Variants in EPB41L3 observed in about 807,000 individuals in gnomAD.
EPB41L3 encodes band 4.1-like protein 3.
In EPB41L3, 57 loss-of-function variants were observed where a neutral mutation model predicts 127.1. The observed-to-expected ratio is 0.45, with a 90% confidence interval of 0.36 to 0.56. EPB41L3 has a LOEUF of 0.56. Among genes scored for constraint, EPB41L3 ranks in the 20% least tolerant of loss-of-function variants. The probability of loss-of-function intolerance (pLI) is 0.00; values close to 1 mark genes in which losing one functional copy is unlikely to be tolerated. For missense variants in EPB41L3, 1,273 were observed against 1,372.2 expected (o/e 0.93, Z 1.14); for synonymous variants, 572 against 549.5 (o/e 1.04, Z -0.57).
chr18:5,405,878 TA>T (rs766187302), intron 16 of EPB41L3, among the ~76,000 whole-genome samples: 3,337 of 147,840 alleles, frequency 0.023, 70 homozygotes, highest in East Asian at 0.078. Context: ...TAACCTTACT[TA>T]AAAAAAAAAA....
chr18:5,447,408 T>A (rs1185580395), intron 3 of EPB41L3, among the ~76,000 whole-genome samples: 1 of 151,568 alleles, frequency 6.6e-6, no homozygotes, highest in Non-Finnish European at 1.5e-5. Flanking sequence ...TCTTTAGATA[T>A]TAGATGCCTG....
At chr18:5,419,177 T>A (rs1419499705) in intron 12 of EPB41L3, among the ~76,000 whole-genome samples, 1 of 152,234 alleles carries the variant, frequency 6.6e-6, no homozygotes, top group Non-Finnish European at 1.5e-5. Flanking sequence ...ATTCCCTTTT[T>A]ATCTCCTGTT....
chr18:5,605,820 T>C (rs2094644985), intron 3 of EPB41L3, among the ~76,000 whole-genome samples: 1 of 152,118 alleles, frequency 6.6e-6, no homozygotes, highest in Admixed American at 6.5e-5. Flanking sequence ...ACACACCAGA[T>C]GCTGTAAGAG....
chr18:5,561,165 G>A (rs892539445), intron 3 of EPB41L3, among the ~76,000 whole-genome samples: 2 of 151,352 alleles, frequency 1.3e-5, no homozygotes, highest in Non-Finnish European at 2.9e-5. Context: ...TTTCAGTAGA[G>A]ACGGGGTTTC....
At chr18:5,428,103 C>T (rs1002768816) in intron 9 of EPB41L3, among the ~76,000 whole-genome samples, 8 of 152,000 alleles carry the variant, frequency 5.3e-5, no homozygotes, top group African/African-American at 1.9e-4. Flanking sequence ...CTCCAATTAA[C>T]GTATGCAGTA....
intron 1 of EPB41L3, among the ~76,000 whole-genome samples, chr18:5,489,540 C>A (rs939159347): frequency 6.6e-6 from 1 of 152,188 alleles, no homozygotes; most frequent in African/African-American, 2.4e-5. Flanking sequence ...TTTGCTGTAT[C>A]ACCTGCATAT....
chr18:5,452,835 T>C (rs1255625349), intron 3 of EPB41L3, among the ~76,000 whole-genome samples: 1 of 152,196 alleles, frequency 6.6e-6, no homozygotes, highest in Non-Finnish European at 1.5e-5. Flanking sequence ...TTTCCCTTTG[T>C]ATAGTTAAAA....
chr18:5,575,759 C>T (rs1463380195), intron 3 of EPB41L3, among the ~76,000 whole-genome samples: 1 of 152,136 alleles, frequency 6.6e-6, no homozygotes, highest in Non-Finnish European at 1.5e-5. Flanking sequence ...ATTGCTTGAA[C>T]CCAGGAGACG....
chr18:5,462,006 T>A (rs1239660013), intron 3 of EPB41L3, among the ~76,000 whole-genome samples: 2 of 152,046 alleles, frequency 1.3e-5, no homozygotes, highest in African/African-American at 4.8e-5. Context: ...GGCCAGAAGG[T>A]AAGAGCAGGG....
intron 3 of EPB41L3, among the ~76,000 whole-genome samples, chr18:5,601,830 CTAAT>C (rs1309942725): frequency 6.6e-6 from 1 of 152,136 alleles, no homozygotes; most frequent in Non-Finnish European, 1.5e-5. Flanking sequence ...CCTTTGCAAA[CTAAT>C]TACTAAATTA....
intron 3 of EPB41L3, among the ~76,000 whole-genome samples, chr18:5,591,096 C>T (rs1411685641): frequency 6.6e-6 from 1 of 152,112 alleles, no homozygotes; most frequent in Non-Finnish European, 1.5e-5. Flanking sequence ...TAAAGAGAGA[C>T]AGAGGAAGAA....
rs138813247 is a variant in EPB41L3 at position 5,589,961 on chromosome 18, T to C, written c.-306+22379A>G. 9.3e-3 allele frequency among the ~76,000 whole-genome samples: 1,415 copies of C among 152,268 alleles called. 20 individuals are homozygous for C. The highest frequency in any genetic ancestry group is 0.027 in the African/African-American group (1,116 of 41,534). On this transcript the variant is annotated intron_variant, in intron 3 of 21. Coordinates refer to the EPB41L3 transcript ENST00000545076. The stretch of plus-strand genomic sequence containing the variant: ...AAATTGTGTTTTGTCCTTTTCGGGA[T>C]AGAAAGCAATTTAAATTAAAAGGAG...
intron 1 of EPB41L3, among the ~76,000 whole-genome samples, chr18:5,525,169 A>G (rs1373115380): frequency 3.3e-5 from 5 of 152,082 alleles, no homozygotes; most frequent in Non-Finnish European, 4.4e-5. Flanking sequence ...CCTTTCTTAC[A>G]TTTGCTCCAA....
intron 3 of EPB41L3, among the ~76,000 whole-genome samples, chr18:5,468,235 C>T (rs754366397): frequency 4.6e-5 from 7 of 152,120 alleles, no homozygotes; most frequent in Non-Finnish European, 8.8e-5. Flanking sequence ...GCACAAATAG[C>T]CTGGGCACCC....
At chr18:5,435,948 T>C (rs985632982) in intron 6 of EPB41L3, among the ~76,000 whole-genome samples, 3 of 152,212 alleles carry the variant, frequency 2.0e-5, no homozygotes, top group Non-Finnish European at 2.9e-5. Context: ...ATTCCTACCT[T>C]AAAATTCGAG....
At chr18:5,479,105 G>C (rs775666280) in intron 2 of EPB41L3, among the ~76,000 whole-genome samples, 27 of 152,164 alleles carry the variant, frequency 1.8e-4, no homozygotes, top group South Asian at 8.3e-4. Context: ...TAACAGACTA[G>C]TCCAGGCTAG....
At position 5,428,262 on chromosome 18, in the gene EPB41L3, G is replaced by A. The variant is rs1002400860; in HGVS notation, c.1065+51C>T. The A allele has an allele frequency of 8.1e-6, 13 of 1,601,604 alleles. No individual in the cohort carries two copies. The African/African-American group carries it at 1.3e-4, about 17-fold the overall frequency. ...AAGCAGATAATTTAAATGCTTGCTTGCTATCAGGGATCTTTCCTCCCAACG... is the reference window on the plus strand; with the variant it reads ...AAGCAGATAATTTAAATGCTTGCTTACTATCAGGGATCTTTCCTCCCAACG... On this transcript the variant is annotated intron_variant, in intron 9 of 22. Coordinates refer to ENST00000341928, the MANE Select transcript of EPB41L3 (RefSeq NM_012307.5).
chr18:5,615,017 G>T (rs2094776220), intron 1 of EPB41L3, among the ~76,000 whole-genome samples: 1 of 152,160 alleles, frequency 6.6e-6, no homozygotes, highest in South Asian at 2.1e-4. Context: ...AGAGACACCT[G>T]CTAGAACATA....
chr18:5,454,912 A>G (rs1206243076), intron 3 of EPB41L3, among the ~76,000 whole-genome samples: 1 of 152,238 alleles, frequency 6.6e-6, no homozygotes, highest in East Asian at 1.9e-4. Context: ...CTACCCACTG[A>G]AAGTTTGTCT....
Sources: gnomAD v4.1 joint callset for allele counts (sites outside exome capture counted in the v4.1 genomes callset) on GRCh38, gnomAD v4.1.1 for gene constraint, MANE v1.5 for transcripts, NCBI Gene and HGNC (gene_info 2026-07-23, HGNC 2026-07-21) for gene names.